The following PKN2 variants were observed in gnomAD, a reference collection of about 807,000 sequenced individuals.
The protein encoded by PKN2 is protein kinase N2, also known as serine/threonine-protein kinase N2.
A neutral mutation model predicts 119.1 loss-of-function variants in PKN2; 38 were observed. That is an observed-to-expected ratio of 0.32 (90% CI 0.25 to 0.42). The LOEUF (loss-of-function observed/expected upper bound fraction) is 0.42. PKN2 is among the 10% of genes least tolerant of loss of function. The probability of loss-of-function intolerance (pLI) is 1.00; values close to 1 mark genes in which losing one functional copy is unlikely to be tolerated. For synonymous variants in PKN2, 390 were observed against 384.9 expected, an observed-to-expected ratio of 1.01 and a Z score of -0.15; for missense variants, 850 against 1,165.1, an observed-to-expected ratio of 0.73 and a Z score of 3.94.
chr1:88,807,182 A>G (rs1671580375), intron 12 of PKN2, 131 bp from the exon 13 acceptor site: 1 of 708,738 alleles, frequency 1.4e-6, no homozygotes, highest in Non-Finnish European at 2.2e-6. Flanking sequence ...TTAAAGAATG[A>G]GTATCTGAAT....
chr1:88,825,178 T>A (rs575729663), intron 18 of PKN2, among the ~76,000 whole-genome samples: 1 of 152,324 alleles, frequency 6.6e-6, no homozygotes, highest in South Asian at 2.1e-4. Flanking sequence ...TATATGCCCA[T>A]CACATACCCA....
intron 1 of PKN2, among the ~76,000 whole-genome samples, chr1:88,729,344 T>C (rs1253190674): frequency 6.6e-6 from 1 of 152,252 alleles, no homozygotes; most frequent in African/African-American, 2.4e-5. Flanking sequence ...ATTATGTGTC[T>C]ATTGCAGCAT....
chr1:88,822,105 T>G, intron 17 of PKN2, 102 bp downstream of exon 17: 1 of 1,079,544 alleles, frequency 9.3e-7, no homozygotes, highest in Non-Finnish European at 1.2e-6. Flanking sequence ...AACCAGTTTC[T>G]TAGTTTTCTC....
At position 88,813,653 on chromosome 1, in the gene PKN2, T is replaced by C; in HGVS notation, c.2199T>C (p.Val733=). 6.2e-7 allele frequency: 1 copy of C among 1,610,542 alleles called. No individual in the cohort carries two copies. Among genetic ancestry groups the C allele is most frequent in the Non-Finnish European group, 8.5e-7 (1 of 1,178,736 alleles). The change falls in exon 16 of 22, where the codon GTT becomes GTC. Residue 733 remains valine, a synonymous_variant. Coordinates refer to ENST00000370521, the MANE Select transcript of PKN2 (RefSeq NM_006256.4). The part of the protein sequence containing the change: ...LFACFQTKEH[V]CFVMEYAAGG... ...CATGTTTCCAAACCAAAGAGCATGT[T>C]TGCTTTGTAATGGAATATGCTGCCG...
At chr1:88,782,816 A>G (rs141161038) in intron 6 of PKN2, among the ~76,000 whole-genome samples, 1 of 152,328 alleles carries the variant, frequency 6.6e-6, no homozygotes, top group African/African-American at 2.4e-5. Flanking sequence ...CATAGAAAGC[A>G]AATACACCTG....
At chr1:88,810,418 G>A (rs1392301139) in intron 15 of PKN2, among the ~76,000 whole-genome samples, 2 of 151,858 alleles carry the variant, frequency 1.3e-5, no homozygotes, top group East Asian at 1.9e-4. Context: ...CACCACACCC[G>A]GCCAAGACTA....
intron 3 of PKN2, 62 bp downstream of exon 3, chr1:88,760,438 A>G (rs1669397537): frequency 1.1e-6 from 1 of 926,592 alleles, no homozygotes; most frequent in Non-Finnish European, 1.6e-6. Context: ...CCATAGTTAT[A>G]AATTTACCTA....
rs576405174 is a variant in PKN2, at chr1:88,719,819, GTAA to G, written c.49-21164_49-21162del. On this transcript the variant is annotated intron_variant, in intron 1 of 21. Coordinates refer to ENST00000370521, the MANE Select transcript of PKN2 (RefSeq NM_006256.4). ...ATTGGCCACTTTTTGGCTATATTTAGTAATAATGATGATAATGTTATCTCTCTT... is the reference window on the plus strand; with the variant it reads ...ATTGGCCACTTTTTGGCTATATTTAGTAATGATGATAATGTTATCTCTCTT... Among the ~76,000 whole-genome samples, 370 of 152,040 alleles carry G rather than the reference GTAA, an allele frequency of 2.4e-3. 2 individuals are homozygous for G. The highest frequency in any genetic ancestry group is 3.9e-3 in the Admixed American group (60 of 15,266).
In PKN2 at chr1:88,833,267, T is replaced by C; in HGVS notation, c.2774T>C (p.Met925Thr). ...CAGCTAATTGATTGGAGCGCTCTGATGGACAAAAAAGTAAAGCCACCATTT... is the reference window on the plus strand; with the variant it reads ...CAGCTAATTGATTGGAGCGCTCTGACGGACAAAAAAGTAAAGCCACCATTT... ...FFRLIDWSAL[M>T]DKKVKPPFIP... Residue 925 changes from methionine to threonine, a missense_variant, in exon 22 of 22, where the codon ATG becomes ACG. Met to Thr is a moderately conservative substitution (Grantham distance 81, BLOSUM62 -1). Coordinates refer to ENST00000370521, the MANE Select transcript of PKN2 (RefSeq NM_006256.4). 1 of 1,613,280 alleles carries C rather than the reference T, an allele frequency of 6.2e-7. No homozygotes were observed. Among genetic ancestry groups the C allele is most frequent in the Non-Finnish European group, 8.5e-7 (1 of 1,179,436 alleles).
At chr1:88,723,368 C>T (rs1251523111) in intron 1 of PKN2, among the ~76,000 whole-genome samples, 3 of 151,636 alleles carry the variant, frequency 2.0e-5, no homozygotes, top group African/African-American at 4.8e-5. Flanking sequence ...CCACCTCGGC[C>T]TCCTAAAGTG....
intron 1 of PKN2, among the ~76,000 whole-genome samples, chr1:88,705,713 A>G (rs1666970060): frequency 1.3e-5 from 2 of 152,042 alleles, no homozygotes; most frequent in African/African-American, 2.4e-5. Context: ...ATATATATAT[A>G]TATATTCTTT....
intron 8 of PKN2, among the ~76,000 whole-genome samples, chr1:88,788,807 G>T (rs1162217428): frequency 6.6e-6 from 1 of 151,878 alleles, no homozygotes; most frequent in Non-Finnish European, 1.5e-5. Context: ...ATTCTGTCGG[G>T]TTACTCTTTT....
At chr1:88,708,252 A>G (rs1251694581) in intron 1 of PKN2, among the ~76,000 whole-genome samples, 4 of 152,142 alleles carry the variant, frequency 2.6e-5, no homozygotes, top group African/African-American at 4.8e-5. Flanking sequence ...GAACAGAAAT[A>G]AGGAAACTAG....
chr1:88,762,390 T>C (rs1412754080), intron 3 of PKN2, among the ~76,000 whole-genome samples: 1 of 152,224 alleles, frequency 6.6e-6, no homozygotes, highest in Admixed American at 6.5e-5. Flanking sequence ...CTATTGCCTC[T>C]GAGATAGGCC....
chr1:88,720,797 T>C (rs562697109), intron 1 of PKN2, among the ~76,000 whole-genome samples: 6 of 152,124 alleles, frequency 3.9e-5, no homozygotes, highest in Non-Finnish European at 8.8e-5. Context: ...TTCCCTCTGG[T>C]GTTCCCAAAG....
intron 1 of PKN2, among the ~76,000 whole-genome samples, chr1:88,697,402 C>T (rs1030833063): frequency 2.0e-5 from 3 of 152,168 alleles, no homozygotes; most frequent in African/African-American, 7.2e-5. Flanking sequence ...TAGAAATCTG[C>T]TAGTTACTTT....
chr1:88,785,465 T>A (rs1185590986), intron 7 of PKN2, among the ~76,000 whole-genome samples: 1 of 152,132 alleles, frequency 6.6e-6, no homozygotes, highest in Admixed American at 6.6e-5. Flanking sequence ...ATAGTAACAT[T>A]GAAATTTTGG....
chr1:88,828,752 T>A, intron 19 of PKN2, 129 bp downstream of exon 19: 1 of 713,246 alleles, frequency 1.4e-6, no homozygotes. Flanking sequence ...ATTTATAGTA[T>A]ACTAGTAGTC....
Position 88,835,705 on chromosome 1 carries a change from A to G in PKN2, c.*2257A>G, listed in dbSNP as rs1004436628. On this transcript the variant is annotated 3_prime_UTR_variant, in exon 22 of 22. Transcript: ENST00000370521. ...ATGGTACACTATGCATTCAAATGAA[A>G]TGTGCCTTTCACTATGTCATTCTAA... The G allele has an allele frequency of 2.0e-5, 3 of 152,378 alleles. No individual in the cohort carries two copies. Among genetic ancestry groups the G allele is most frequent in the African/African-American group, 4.8e-5 (2 of 41,392 alleles). 9.4% of individuals were successfully genotyped at this position (152,378 alleles called of 1,614,324 possible).
Sources: gnomAD v4.1 joint callset for allele counts (sites outside exome capture counted in the v4.1 genomes callset) on GRCh38, gnomAD v4.1.1 for gene constraint, MANE v1.5 for transcripts, NCBI Gene and HGNC (gene_info 2026-07-23, HGNC 2026-07-21) for gene names.